The following PPP2R2B variants were observed in gnomAD, a reference collection of about 807,000 sequenced individuals.
PPP2R2B encodes the protein protein phosphatase 2 regulatory subunit Bbeta, also known as serine/threonine-protein phosphatase 2A 55 kDa regulatory subunit B beta isoform.
A neutral mutation model predicts 46.0 loss-of-function variants in PPP2R2B; 5 were observed. The observed-to-expected ratio is 0.11, with a 90% CI of 0.06 to 0.23. The LOEUF is 0.23. PPP2R2B is among the 10% of genes least tolerant of loss of function. PPP2R2B has a pLI of 1.00. For synonymous variants in PPP2R2B, 215 were observed against 206.7 expected (o/e 1.04, Z -0.34); for missense variants, 367 against 575.0 (o/e 0.64, Z 3.70).
intron 1 of PPP2R2B, among the ~76,000 whole-genome samples, chr5:146,983,728 G>T (rs901221621): frequency 1.3e-5 from 2 of 151,954 alleles, no homozygotes; most frequent in East Asian, 3.9e-4. Flanking sequence ...ATAATTTAGA[G>T]AACACAACAG....
intron 5 of PPP2R2B, among the ~76,000 whole-genome samples, chr5:146,688,096 G>C (rs111907600): frequency 1.3e-5 from 2 of 152,044 alleles, no homozygotes; most frequent in Non-Finnish European, 2.9e-5. Flanking sequence ...GGATCAAAAA[G>C]AAAAGGAAGC....
intron 1 of PPP2R2B, among the ~76,000 whole-genome samples, chr5:146,977,190 A>G (rs1200921022): frequency 6.6e-6 from 1 of 151,980 alleles, no homozygotes; most frequent in Non-Finnish European, 1.5e-5. Flanking sequence ...CTCCCATTAT[A>G]TTATCCTTGG....
intron 7 of PPP2R2B, among the ~76,000 whole-genome samples, chr5:146,624,857 C>A (rs889894307): frequency 6.6e-6 from 1 of 152,236 alleles, no homozygotes. Flanking sequence ...CACAGCCCAG[C>A]TGGTCATCTT....
At chr5:146,822,773 T>C (rs1029824391) in intron 2 of PPP2R2B, among the ~76,000 whole-genome samples, 1 of 152,182 alleles carries the variant, frequency 6.6e-6, no homozygotes, top group South Asian at 2.1e-4. Flanking sequence ...CAGTGATTGA[T>C]ACATAGTAGA....
At chr5:146,870,753 C>G (rs1238044663) in intron 2 of PPP2R2B, among the ~76,000 whole-genome samples, 2 of 152,148 alleles carry the variant, frequency 1.3e-5, no homozygotes, top group African/African-American at 4.8e-5. Context: ...TCCTAAACTC[C>G]ATACATCTTT....
intron 2 of PPP2R2B, among the ~76,000 whole-genome samples, chr5:146,840,671 T>G (rs1376240283): frequency 6.6e-6 from 1 of 152,228 alleles, no homozygotes; most frequent in African/African-American, 2.4e-5. Flanking sequence ...TAGTTCTATT[T>G]TGACTCCAAT....
chr5:146,587,172 A>G lies in PPP2R2B; in HGVS notation c.*2775T>C, dbSNP rs919774191. ...GAAAACAGACTGACTTCTATGTGCC[A>G]CTAACTAAGAAATATTGCCAGTACT... On this transcript the variant is annotated 3_prime_UTR_variant, in exon 10 of 10. Coordinates refer to ENST00000394411, the MANE Select transcript of PPP2R2B (RefSeq NM_181675.4). 1.3e-5 allele frequency: 2 copies of G among 152,238 alleles called. No homozygotes were observed. The highest frequency in any genetic ancestry group is 4.8e-5 in the African/African-American group (2 of 41,460). The allele number at this position is 152,238 out of a possible 1,614,324, so 9.4% of individuals were successfully genotyped here. A position where few individuals can be genotyped will look rare whatever the true frequency, so the allele number is the denominator to read the frequency against.
intron 5 of PPP2R2B, among the ~76,000 whole-genome samples, chr5:146,667,553 A>G (rs751020596): frequency 1.3e-5 from 2 of 151,746 alleles, no homozygotes; most frequent in Non-Finnish European, 2.9e-5. Context: ...TTTTAAGAAC[A>G]GAAACCTTCC....
At chr5:146,911,634 C>CA (rs1270805239) in intron 1 of PPP2R2B, among the ~76,000 whole-genome samples, 1 of 152,198 alleles carries the variant, frequency 6.6e-6, no homozygotes, top group Non-Finnish European at 1.5e-5. Context: ...GACACTTCTT[C>CA]ACATGGGAGA....
chr5:146,593,086 G>T, intron 8 of PPP2R2B, 24 bp from the exon 9 acceptor site: 1 of 1,553,128 alleles, frequency 6.4e-7, no homozygotes, highest in Non-Finnish European at 8.9e-7. Context: ...ATATCGAGAA[G>T]GTCAGTTATT....
rs1769936701 is a variant in PPP2R2B at position 146,582,407 on chromosome 5, G to A, written c.*7540C>T. On this transcript the variant is annotated 3_prime_UTR_variant, in exon 10 of 10. Transcript: ENST00000394411. ...TGCATGCTTTTCAGGGTCCCAGAAG[G>A]CTAACTACTGCAGGGAAGGTAATGC... 6.6e-6 allele frequency: 1 copy of A among 152,162 alleles called. No homozygotes were observed. The highest frequency in any genetic ancestry group is 1.5e-5 in the Non-Finnish European group (1 of 68,044). The allele number at this position is 152,162 out of a possible 1,614,324, so 9.4% of individuals were successfully genotyped here. A position where few individuals can be genotyped will look rare whatever the true frequency, so the allele number is the denominator to read the frequency against.
intron 2 of PPP2R2B, among the ~76,000 whole-genome samples, chr5:146,714,602 C>T (rs1009613816): frequency 2.6e-5 from 4 of 152,090 alleles, no homozygotes; most frequent in Non-Finnish European, 5.9e-5. Context: ...GGACTGGTCG[C>T]CACTAACATT....
intron 2 of PPP2R2B, among the ~76,000 whole-genome samples, chr5:146,702,986 A>G (rs576378055): frequency 1.1e-4 from 17 of 152,336 alleles, no homozygotes; most frequent in Middle Eastern, 3.4e-3. Flanking sequence ...AAAGCCAGAC[A>G]CCTCAAGTGA....
intron 5 of PPP2R2B, among the ~76,000 whole-genome samples, chr5:146,656,052 C>T (rs1776310906): frequency 1.3e-5 from 2 of 152,160 alleles, no homozygotes; most frequent in Non-Finnish European, 1.5e-5. Flanking sequence ...TCAACAAATA[C>T]TTATTAAATC....
chr5:146,743,152 T>G (rs988307808), intron 2 of PPP2R2B, among the ~76,000 whole-genome samples: 1 of 152,164 alleles, frequency 6.6e-6, no homozygotes, highest in African/African-American at 2.4e-5. Flanking sequence ...GGTAAGCACT[T>G]TGCTTATATC....
chr5:146,774,001 A>T (rs547554374), intron 2 of PPP2R2B, among the ~76,000 whole-genome samples: 1 of 152,204 alleles, frequency 6.6e-6, no homozygotes, highest in South Asian at 2.1e-4. Flanking sequence ...GAAATAAAAT[A>T]TCTTAGTATC....
At chr5:146,954,984 A>G (rs912334313) in intron 1 of PPP2R2B, among the ~76,000 whole-genome samples, 1 of 152,162 alleles carries the variant, frequency 6.6e-6, no homozygotes, top group African/African-American at 2.4e-5. Flanking sequence ...AAGAACCATG[A>G]TGAATAACTT....
intron 2 of PPP2R2B, among the ~76,000 whole-genome samples, chr5:146,843,218 A>T (rs1253835326): frequency 6.6e-6 from 1 of 152,234 alleles, no homozygotes; most frequent in Non-Finnish European, 1.5e-5. Flanking sequence ...CAGATGCCAG[A>T]ATCAGTGAAT....
At chr5:146,809,461 T>C (rs1291938582) in intron 2 of PPP2R2B, among the ~76,000 whole-genome samples, 1 of 151,948 alleles carries the variant, frequency 6.6e-6, no homozygotes, top group Non-Finnish European at 1.5e-5. Flanking sequence ...TAAATGTATA[T>C]TGACTAATTA....
Sources: gnomAD v4.1 joint callset for allele counts (sites outside exome capture counted in the v4.1 genomes callset) on GRCh38, gnomAD v4.1.1 for gene constraint, MANE v1.5 for transcripts, NCBI Gene and HGNC (gene_info 2026-07-23, HGNC 2026-07-21) for gene names.